The following ELMO1 variants were observed in gnomAD, a reference collection of about 807,000 sequenced individuals.
ELMO1 encodes the protein engulfment and cell motility protein 1.
ELMO1 carries 26 observed loss-of-function variants against 98.9 expected under a neutral mutation model. The ratio of observed to expected loss-of-function variants is 0.26; its 90% CI spans 0.19 to 0.36. ELMO1 has a LOEUF of 0.36. Among genes scored for constraint, ELMO1 ranks in the 10% least tolerant of loss-of-function variants. The pLI, the probability that ELMO1 is intolerant of heterozygous loss-of-function variation, is 1.00. For synonymous variants in ELMO1, 346 were observed against 346.0 expected, an observed-to-expected ratio of 1.00 and a Z score of 0.00; for missense variants, 627 against 935.2, an observed-to-expected ratio of 0.67 and a Z score of 4.30.
At chr7:37,440,693 C>T (rs1346590522) in intron 1 of ELMO1, among the ~76,000 whole-genome samples, 1 of 150,504 alleles carries the variant, frequency 6.6e-6, no homozygotes, top group Non-Finnish European at 1.5e-5. Context: ...CGCTTGAACT[C>T]GGTTGGCAGA....
At chr7:37,372,041 C>T (rs1290013418) in intron 1 of ELMO1, among the ~76,000 whole-genome samples, 2 of 152,000 alleles carry the variant, frequency 1.3e-5, no homozygotes, top group African/African-American at 2.4e-5. Flanking sequence ...ACTTAAATTG[C>T]TACAAATACT....
rs1453333170 is a variant in ELMO1, at chr7:36,870,381, T to G, written c.1905+12A>C. 1.9e-6 allele frequency: 3 copies of G among 1,613,912 alleles called. No homozygotes were observed. The highest frequency in any genetic ancestry group is 1.7e-6 in the Non-Finnish European group (2 of 1,179,886). On this transcript the variant is annotated intron_variant, in intron 20 of 21. Coordinates refer to ENST00000310758, the MANE Select transcript of ELMO1 (RefSeq NM_014800.11). This position sits in a 1 kb window ranked among gnomAD's most constrained non-coding sequence, Gnocchi z 4.4. ...GCAAATAGAGCTATTTGCAATAATTTGGAAATCATACCTTGTTTTGTTTAA... is the reference window on the plus strand; with the variant it reads ...GCAAATAGAGCTATTTGCAATAATTGGGAAATCATACCTTGTTTTGTTTAA...
At chr7:37,307,893 C>T (rs1343708151) in intron 4 of ELMO1, among the ~76,000 whole-genome samples, 2 of 152,212 alleles carry the variant, frequency 1.3e-5, no homozygotes, top group East Asian at 3.9e-4. Context: ...GGGCAGATTA[C>T]CTGAGGTCAG....
chr7:37,171,481 CTATTTTTT>C lies in ELMO1; in HGVS notation c.1087-38255_1087-38248del, dbSNP rs1385329861. Among the ~76,000 whole-genome samples, 78 of 44,296 alleles carry C rather than the reference CTATTTTTT, an allele frequency of 1.8e-3. 2 individuals are homozygous for C. Among genetic ancestry groups the C allele is most frequent in the Middle Eastern group, 0.043 (2 of 46 alleles). 29.1% of individuals were successfully genotyped at this position (44,296 alleles called of 152,430 possible). A position where few individuals can be genotyped will look rare whatever the true frequency, so the allele number is the denominator to read the frequency against. Reference sequence around the variant, plus strand: ...AGTTTATTCTTGTAACCAGGCCTTTCTATTTTTTTTTTTTTTTTTTTTTTTTTTTGAGA... The same window carrying C: ...AGTTTATTCTTGTAACCAGGCCTTTCTTTTTTTTTTTTTTTTTTTTTGAGA... On this transcript the variant is annotated intron_variant, in intron 13 of 21. Transcript: ENST00000310758.
intron 1 of ELMO1, among the ~76,000 whole-genome samples, chr7:37,397,482 C>T (rs751475974): frequency 5.3e-5 from 8 of 152,166 alleles, no homozygotes; most frequent in Non-Finnish European, 8.8e-5. Flanking sequence ...GCGTTATGGA[C>T]AGCATGCCTG....
At chr7:37,088,160 T>A (rs774054557) in intron 15 of ELMO1, among the ~76,000 whole-genome samples, 4 of 152,200 alleles carry the variant, frequency 2.6e-5, no homozygotes, top group Non-Finnish European at 4.4e-5. Flanking sequence ...TCAGAAATAA[T>A]GTAAAAAGGA....
chr7:37,166,549 G>A (rs141856762), intron 13 of ELMO1, among the ~76,000 whole-genome samples: 93,092 of 150,972 alleles, frequency 0.62, 30,862 homozygotes, highest in Non-Finnish European at 0.73. Context: ...CTTTGTTCTG[G>A]TTGGTTTCAA....
At chr7:37,294,308 G>A (rs1797914576) in intron 4 of ELMO1, among the ~76,000 whole-genome samples, 2 of 150,336 alleles carry the variant, frequency 1.3e-5, no homozygotes, top group African/African-American at 4.9e-5. Context: ...AGTGAGCCGA[G>A]ATCCTGCCAC....
At chr7:36,864,402 T>G (rs1184696695) in intron 20 of ELMO1, among the ~76,000 whole-genome samples, 1 of 152,052 alleles carries the variant, frequency 6.6e-6, no homozygotes, top group Non-Finnish European at 1.5e-5. Context: ...GGGAAATTCG[T>G]GAGAATGTCA....
chr7:36,922,988 C>T (rs968084720), intron 16 of ELMO1, among the ~76,000 whole-genome samples: 1 of 152,158 alleles, frequency 6.6e-6, no homozygotes, highest in African/African-American at 2.4e-5. Flanking sequence ...AGGGATCTCA[C>T]TGTCACAGCC....
chr7:37,406,900 A>T (rs1583701554), intron 1 of ELMO1, among the ~76,000 whole-genome samples: 1 of 152,242 alleles, frequency 6.6e-6, no homozygotes, highest in African/African-American at 2.4e-5. Context: ...CACTCTTCAG[A>T]TAGGCAAAGA....
chr7:36,913,891 G>A (rs1418479022), intron 16 of ELMO1, among the ~76,000 whole-genome samples: 1 of 152,196 alleles, frequency 6.6e-6, no homozygotes, highest in Non-Finnish European at 1.5e-5. Context: ...GGACTTGGTA[G>A]TTCAGAGATT....
intron 2 of ELMO1, among the ~76,000 whole-genome samples, chr7:37,330,247 T>C (rs894627278): frequency 2.0e-5 from 3 of 152,354 alleles, no homozygotes; most frequent in Admixed American, 6.5e-5. Context: ...ACATAGATTA[T>C]AGCTTCTTAA....
intron 16 of ELMO1, among the ~76,000 whole-genome samples, chr7:37,005,249 G>C (rs907992442): frequency 3.3e-5 from 5 of 152,064 alleles, no homozygotes; most frequent in African/African-American, 1.2e-4. Flanking sequence ...AAATTCAGCG[G>C]GTAGAGGGTT....
At chr7:37,331,050 C>T (rs1800076478) in intron 2 of ELMO1, among the ~76,000 whole-genome samples, 1 of 145,904 alleles carries the variant, frequency 6.9e-6, no homozygotes, top group Admixed American at 7.0e-5. Flanking sequence ...TATCACAGTA[C>T]ACTGAACAGT....
chr7:36,945,817 T>G (rs1787432832), intron 16 of ELMO1, among the ~76,000 whole-genome samples: 1 of 152,198 alleles, frequency 6.6e-6, no homozygotes, highest in Non-Finnish European at 1.5e-5. Context: ...TGTATCTCAC[T>G]CCATCCAATT....
intron 15 of ELMO1, among the ~76,000 whole-genome samples, chr7:37,029,608 T>A (rs1035341348): frequency 6.6e-6 from 1 of 152,148 alleles, no homozygotes; most frequent in African/African-American, 2.4e-5. Context: ...CATACAGACA[T>A]CCTGGAAGGG....
At chr7:37,126,003 T>C (rs2129292585) in intron 14 of ELMO1, among the ~76,000 whole-genome samples, 1 of 152,242 alleles carries the variant, frequency 6.6e-6, no homozygotes, top group South Asian at 2.1e-4. Context: ...TGTAAGGACA[T>C]GGATGAAGCT....
At chr7:37,105,288 T>C (rs1243919001) in intron 14 of ELMO1, among the ~76,000 whole-genome samples, 1 of 152,182 alleles carries the variant, frequency 6.6e-6, no homozygotes, top group Non-Finnish European at 1.5e-5. Flanking sequence ...ACAACATTAC[T>C]GAGGGAAGCC....
Sources: allele counts gnomAD v4.1 joint callset (sites outside exome capture counted in the v4.1 genomes callset), GRCh38; gene constraint gnomAD v4.1.1; non-coding constraint Gnocchi (gnomAD v3.1); transcripts MANE v1.5; gene names NCBI Gene and HGNC (gene_info 2026-07-23, HGNC 2026-07-21).